Variants in CCDC14 observed in about 807,000 individuals in gnomAD.
CCDC14 encodes the protein coiled-coil domain-containing protein 14.
Under a neutral mutation model 81.4 loss-of-function variants are expected in CCDC14, and 71 were observed. The observed-to-expected ratio is 0.87, with a 90% CI of 0.72 to 1.06. CCDC14 has a LOEUF of 1.06. Ranked by LOEUF, CCDC14 falls within the 50% of genes least tolerant of loss-of-function variation. The pLI, the probability that CCDC14 is intolerant of heterozygous loss-of-function variation, is 0.00. For synonymous variants in CCDC14, 332 were observed against 364.8 expected, an observed-to-expected ratio of 0.91 and a Z score of 1.03; for missense variants, 1,046 against 1,047.3, an observed-to-expected ratio of 1.00 and a Z score of 0.02.
rs1487728369 is a variant in CCDC14 at position 123,931,326 on chromosome 3, T to C, written c.1627A>G (p.Ile543Val). The C allele has an allele frequency of 2.0e-6, 3 of 1,524,776 alleles. No homozygotes were observed. In the Admixed American group the frequency reaches 5.9e-5, roughly 30 times the overall value. The allele number at this position is 1,524,776 out of a possible 1,614,324, so 94.5% of individuals were successfully genotyped here. A position where few individuals can be genotyped will look rare whatever the true frequency, so the allele number is the denominator to read the frequency against. Residue 543 changes from isoleucine (I) to valine (V), a missense_variant, in exon 11 of 13, where the codon ATA becomes GTA. Coordinates refer to ENST00000409697, the MANE Select transcript of CCDC14 (RefSeq NM_001366335.1). ...LENKQQYDIE[I>V]TRIKIELEEA... The stretch of plus-strand genomic sequence containing the variant: ...TACGTACCAATTTTTATTCTTGTTA[T>C]CTCAATATCATATTGCTGTTTATTT...
At chr3:123,933,506 A>G (rs898216673) in intron 10 of CCDC14, 167 bp downstream of exon 10, 1 of 584,008 alleles carries the variant, frequency 1.7e-6, no homozygotes, top group Admixed American at 3.2e-5. Context: ...CAAAACAAAC[A>G]AACAAAAAAA....
the CCDC14 span, among the ~76,000 whole-genome samples, chr3:123,887,632 G>A: frequency 6.6e-6 from 1 of 152,118 alleles, no homozygotes. Flanking sequence ...TTCTCACTTT[G>A]CCTAGATGCC....
downstream of CCDC14, among the ~76,000 whole-genome samples, chr3:123,896,654 G>A (rs1309605610): frequency 6.6e-6 from 1 of 152,092 alleles, no homozygotes; most frequent in East Asian, 1.9e-4. Flanking sequence ...GGGGTGGGAA[G>A]GGGTTAAAAT....
rs149757694 is a variant in CCDC14 at position 123,937,003 on chromosome 3, A to T, written c.1344-3248T>A. Among the ~76,000 whole-genome samples, 146 of 152,194 alleles carry T rather than the reference A, an allele frequency of 9.6e-4. 1 individual carries two copies. The Middle Eastern group carries it at 0.01, about 11-fold the overall frequency. ...CTCTTTTAGCCTGGCTTCACTCAACATAGTAATTTTGGGATTCATCCATGC... is the reference window on the plus strand; with the variant it reads ...CTCTTTTAGCCTGGCTTCACTCAACTTAGTAATTTTGGGATTCATCCATGC... On this transcript the variant is annotated intron_variant, in intron 9 of 12. Coordinates refer to ENST00000409697, the MANE Select transcript of CCDC14 (RefSeq NM_001366335.1).
downstream of CCDC14, among the ~76,000 whole-genome samples, chr3:123,896,730 C>G (rs1364414190): frequency 6.6e-6 from 1 of 152,134 alleles, no homozygotes; most frequent in East Asian, 1.9e-4. Flanking sequence ...ACATACTAAG[C>G]TTTAAAATAT....
At chr3:123,940,521 A>C (rs2036293823) in intron 9 of CCDC14, among the ~76,000 whole-genome samples, 1 of 151,904 alleles carries the variant, frequency 6.6e-6, no homozygotes, top group Admixed American at 6.6e-5. Flanking sequence ...GCTATGCAAA[A>C]TCTCTCCTAT....
chr3:123,933,633 C>A, intron 10 of CCDC14, 40 bp downstream of exon 10: 1 of 1,361,396 alleles, frequency 7.3e-7, no homozygotes, highest in Non-Finnish European at 1.0e-6. Flanking sequence ...ATTTCCGGAG[C>A]CACAAATAAT....
chr3:123,913,265 C>T (rs2034488083), downstream of CCDC14, among the ~76,000 whole-genome samples: 1 of 152,118 alleles, frequency 6.6e-6, no homozygotes, highest in South Asian at 2.1e-4. Context: ...AATTATTAGC[C>T]ACTAATTAAT....
chr3:123,902,823 G>A (rs2034205716), intron 5 of CCDC14, among the ~76,000 whole-genome samples: 2 of 151,706 alleles, frequency 1.3e-5, no homozygotes. Context: ...TTTTTTTACT[G>A]TAAGTTCTGG....
At chr3:123,937,937 C>A (rs908977767) in intron 9 of CCDC14, among the ~76,000 whole-genome samples, 1 of 151,806 alleles carries the variant, frequency 6.6e-6, no homozygotes, top group African/African-American at 2.4e-5. Context: ...CACTGAATTT[C>A]TCTGATATCT....
downstream of CCDC14, among the ~76,000 whole-genome samples, chr3:123,896,872 A>G (rs1415291026): frequency 6.6e-6 from 1 of 152,202 alleles, no homozygotes; most frequent in Admixed American, 6.5e-5. Flanking sequence ...TTCCTATTAT[A>G]TAAGAATAAG....
At chr3:123,949,396 C>T (rs1475608354) in intron 5 of CCDC14, 2 of 427,052 alleles carry the variant, frequency 4.7e-6, no homozygotes, top group Non-Finnish European at 8.3e-6. Flanking sequence ...TTTGTAAAAT[C>T]TCTCCTTCAT....
chr3:123,942,885 A>C (rs1415833553), intron 9 of CCDC14, among the ~76,000 whole-genome samples: 1 of 152,114 alleles, frequency 6.6e-6, no homozygotes, highest in Non-Finnish European at 1.5e-5. Context: ...TAAACAAATT[A>C]AGAATGTAAT....
chr3:123,933,587 C>CT (rs2035873230), intron 10 of CCDC14, 86 bp downstream of exon 10: 1 of 918,668 alleles, frequency 1.1e-6, no homozygotes, highest in Admixed American at 2.4e-5. Flanking sequence ...AATTTATCCC[C>CT]TCAAAGTAAT....
intron 9 of CCDC14, among the ~76,000 whole-genome samples, chr3:123,943,135 C>T (rs1490641221): frequency 1.3e-5 from 2 of 151,478 alleles, no homozygotes; most frequent in Non-Finnish European, 1.5e-5. Context: ...CATATATATA[C>T]GTATATATAC....
chr3:123,904,675 T>G (rs1295975333), intron 5 of CCDC14, among the ~76,000 whole-genome samples: 2 of 150,490 alleles, frequency 1.3e-5, no homozygotes, highest in African/African-American at 4.9e-5. Flanking sequence ...ATAAGGTACT[T>G]AGGAATAAAT....
At chr3:123,922,062 C>A (rs549455596) in intron 12 of CCDC14, among the ~76,000 whole-genome samples, 3 of 152,076 alleles carry the variant, frequency 2.0e-5, no homozygotes, top group Non-Finnish European at 2.9e-5. Flanking sequence ...AACTAGGAAT[C>A]AATAACGAGA....
At chr3:123,955,716 C>A in intron 5 of CCDC14, 127 bp downstream of exon 5, 2 of 762,446 alleles carry the variant, frequency 2.6e-6, no homozygotes, top group South Asian at 2.7e-5. Context: ...TACAGAAAGG[C>A]ATAAGCACAC....
the CCDC14 span, among the ~76,000 whole-genome samples, chr3:123,891,516 C>T: frequency 6.6e-6 from 1 of 152,158 alleles, no homozygotes; most frequent in African/African-American, 2.4e-5. Context: ...CAAAGTTCCA[C>T]AAATCTCTAG....
Sources: allele counts gnomAD v4.1 joint callset (sites outside exome capture counted in the v4.1 genomes callset), GRCh38; gene constraint gnomAD v4.1.1; transcripts MANE v1.5; gene names NCBI Gene and HGNC (gene_info 2026-07-23, HGNC 2026-07-21).